Variants in MAP2 observed in about 807,000 individuals in gnomAD.
MAP2 encodes microtubule-associated protein 2.
A neutral mutation model predicts 137.6 loss-of-function variants in MAP2; 14 were observed. That is an observed-to-expected ratio of 0.10 (90% confidence interval 0.07 to 0.16). The LOEUF (loss-of-function observed/expected upper bound fraction) is 0.16, where lower values mean the gene tolerates loss of function less well. Among genes scored for constraint, MAP2 ranks in the 10% least tolerant of loss-of-function variants. MAP2 has a pLI of 1.00. For missense variants in MAP2, 2,088 were observed against 2,191.5 expected (o/e 0.95, Z 0.94); for synonymous variants, 786 against 782.3 (o/e 1.00, Z -0.08).
intron 4 of MAP2, among the ~76,000 whole-genome samples, chr2:209,645,760 A>G (rs1406050206): frequency 6.6e-6 from 1 of 152,208 alleles, no homozygotes; most frequent in Non-Finnish European, 1.5e-5. Context: ...TAACTTTCAC[A>G]ATTATAAATA....
chr2:209,464,000 C>A (rs897912110), intron 1 of MAP2, among the ~76,000 whole-genome samples: 2 of 151,876 alleles, frequency 1.3e-5, no homozygotes. Context: ...TAATTATAAA[C>A]ATGACAAATA....
intron 1 of MAP2, among the ~76,000 whole-genome samples, chr2:209,450,246 T>C (rs1017125959): frequency 2.6e-5 from 4 of 152,022 alleles, no homozygotes; most frequent in Non-Finnish European, 5.9e-5. Flanking sequence ...ACAGCCAACT[T>C]ACCTTTTTTT....
rs1487178434 is a variant in MAP2, at chr2:209,730,277, G to C, written c.5364G>C (p.Val1788=). The change falls in exon 16 of 16, where the codon GTG becomes GTC. Residue 1788 remains valine (V), a synonymous_variant. Transcript: ENST00000682079. ...CACAGTCCCCAGGCAGATCCAGCGT[G>C]GCATCACCCCGACGACTCAGCAATG... ...IITQSPGRSS[V]ASPRRLSNVS... 6.2e-7 allele frequency: 1 copy of C among 1,613,972 alleles called. No individual in the cohort carries two copies. The highest frequency in any genetic ancestry group is 1.3e-5 in the African/African-American group (1 of 74,906).
At chr2:209,705,833 A>C (rs534503461) in intron 12 of MAP2, 106 bp downstream of exon 12, 2 of 991,064 alleles carry the variant, frequency 2.0e-6, no homozygotes, top group Middle Eastern at 3.3e-4. Context: ...ACATGCATTA[A>C]GACTAGATTA....
chr2:209,485,571 T>C (rs1418894299), intron 1 of MAP2, among the ~76,000 whole-genome samples: 1 of 152,190 alleles, frequency 6.6e-6, no homozygotes, highest in African/African-American at 2.4e-5. Context: ...TTACCTGTCG[T>C]TGGGAAGCAG....
chr2:209,622,099 T>C (rs2091343771), intron 3 of MAP2, among the ~76,000 whole-genome samples: 1 of 152,198 alleles, frequency 6.6e-6, no homozygotes, highest in Non-Finnish European at 1.5e-5. Context: ...ACAGTGTTCA[T>C]ATCTGGCTCT....
chr2:209,540,660 A>AAAAAAAAAAAAAAAAAAAAAAAAAAAAAG (rs1577569192), intron 2 of MAP2, among the ~76,000 whole-genome samples: 1 of 129,204 alleles, frequency 7.7e-6, no homozygotes, highest in Non-Finnish European at 1.5e-5. Context: ...AAAAAAAAAA[A>AAAAAAAAAAAAAAAAAAAAAAAAAAAAAG]AAGAAGAAAA....
intron 3 of MAP2, among the ~76,000 whole-genome samples, chr2:209,598,817 T>C (rs1437187808): frequency 2.0e-5 from 3 of 150,680 alleles, no homozygotes; most frequent in Non-Finnish European, 3.0e-5. Flanking sequence ...ATGGTGTATA[T>C]GTGCCACATT....
At chr2:209,640,104 C>T (rs535657238) in intron 4 of MAP2, among the ~76,000 whole-genome samples, 2 of 152,236 alleles carry the variant, frequency 1.3e-5, no homozygotes, top group African/African-American at 4.8e-5. Context: ...CTTTCTTTGA[C>T]TACCTCCTAC....
chr2:209,483,874 A>G (rs539562270), intron 1 of MAP2, among the ~76,000 whole-genome samples: 3 of 152,220 alleles, frequency 2.0e-5, no homozygotes, highest in South Asian at 2.1e-4. Context: ...GGAGCCAGGA[A>G]AGGTGGGTGA....
intron 4 of MAP2, among the ~76,000 whole-genome samples, chr2:209,638,559 G>T (rs2093751350): frequency 6.6e-6 from 1 of 151,900 alleles, no homozygotes; most frequent in African/African-American, 2.4e-5. Context: ...CCTTTCCCTG[G>T]AGAAAAACTA....
chr2:209,464,919 C>T (rs1362110359), intron 1 of MAP2, among the ~76,000 whole-genome samples: 1 of 152,022 alleles, frequency 6.6e-6, no homozygotes, highest in Non-Finnish European at 1.5e-5. Flanking sequence ...TATGTATACT[C>T]ACACATCCAG....
chr2:209,504,670 G>A (rs570368748), intron 1 of MAP2, among the ~76,000 whole-genome samples: 2 of 152,210 alleles, frequency 1.3e-5, no homozygotes, highest in Non-Finnish European at 2.9e-5. Context: ...AACATGTAAC[G>A]TAAAATTTAA....
chr2:209,702,686 A>G (rs952728563), intron 11 of MAP2, among the ~76,000 whole-genome samples: 2 of 151,866 alleles, frequency 1.3e-5, no homozygotes, highest in African/African-American at 4.8e-5. Flanking sequence ...AATCCAATTT[A>G]TTTTTCTCTT....
intron 12 of MAP2, among the ~76,000 whole-genome samples, chr2:209,709,687 GT>G (rs986214793): frequency 1.3e-5 from 2 of 151,880 alleles, no homozygotes; most frequent in African/African-American, 2.4e-5. Context: ...AAAAAATCAG[GT>G]TTTTTTCTTT....
chr2:209,694,145 A>G lies in MAP2; in HGVS notation c.1975A>G (p.Met659Val), dbSNP rs1405275649. Residue 659 changes from methionine (M) to valine (V), a missense_variant, in exon 8 of 16, where the codon ATG (methionine) becomes GTG (valine). Met to Val is a conservative substitution (Grantham distance 21). Around this residue, in one of 6 missense-constraint regions of MAP2, gnomAD observed 859 missense variants for 794.5 expected, o/e 1.08. Transcript: ENST00000682079. ...AGAACCCAGTTCTCCTCAAGAAAGA[A>G]TGTTCACTATTGATCCAAAAGTGTA... ...PEEPSSPQER[M>V]FTIDPKVYGE... 6.2e-7 allele frequency: 1 copy of G among 1,614,112 alleles called. No individual in the cohort carries two copies. The highest frequency in any genetic ancestry group is 2.2e-5 in the East Asian group (1 of 44,870).
rs746658502 is a variant in MAP2 at position 209,695,563 on chromosome 2, T to C, written c.3393T>C (p.Tyr1131=). The C allele has an allele frequency of 6.2e-7, 1 of 1,614,084 alleles. No homozygotes were observed. Among genetic ancestry groups the C allele is most frequent in the Non-Finnish European group, 8.5e-7 (1 of 1,180,004 alleles). The change falls in exon 8 of 16, where the codon TAT becomes TAC. Residue 1131 remains tyrosine (Y), a synonymous_variant. Transcript: ENST00000682079. ...AGGCTGTAGACAAGGAGGAGTCCTA[T>C]GAATCTAGTGGTGAGCATGAAAGTC... The part of the protein sequence containing the change: ...HQEAVDKEES[Y]ESSGEHESLT...
At chr2:209,477,933 G>T (rs1034595119) in intron 1 of MAP2, among the ~76,000 whole-genome samples, 39 of 152,036 alleles carry the variant, frequency 2.6e-4, no homozygotes, top group African/African-American at 8.9e-4. Context: ...GAGCCTGGGA[G>T]ATTGAGACTG....
intron 3 of MAP2, among the ~76,000 whole-genome samples, chr2:209,618,733 A>G (rs2090285003): frequency 1.3e-5 from 2 of 152,168 alleles, no homozygotes; most frequent in African/African-American, 2.4e-5. Flanking sequence ...TGGTTCTTCA[A>G]AAAATTAAAA....
Sources: gnomAD v4.1 joint callset for allele counts (sites outside exome capture counted in the v4.1 genomes callset) on GRCh38, gnomAD v4.1.1 for gene constraint, gnomAD v4.1.1 regional missense constraint, MANE v1.5 for transcripts, NCBI Gene and HGNC (gene_info 2026-07-23, HGNC 2026-07-21) for gene names.